Variants in SORBS2 observed in about 807,000 individuals in gnomAD.
SORBS2 encodes the protein sorbin and SH3 domain-containing protein 2.
Under a neutral mutation model 97.7 loss-of-function variants are expected in SORBS2, and 46 were observed. The ratio of observed to expected loss-of-function variants is 0.47; its 90% CI spans 0.37 to 0.60. The LOEUF (loss-of-function observed/expected upper bound fraction) is 0.60. Ranked by LOEUF, SORBS2 falls within the 20% of genes least tolerant of loss-of-function variation. The pLI is 0.00. For synonymous variants in SORBS2, 476 were observed against 473.4 expected (o/e 1.01, Z -0.07); for missense variants, 1,316 against 1,282.3 (o/e 1.03, Z -0.40).
chr4:185,827,687 C>T (rs796510363), intron 1 of SORBS2, among the ~76,000 whole-genome samples: 1 of 18,342 alleles, frequency 5.5e-5, no homozygotes, highest in African/African-American at 2.2e-4. Flanking sequence ...ATCATCACCA[C>T]CATCATCATC....
rs187435550 is a variant in SORBS2, at chr4:185,940,848, T to C, written c.-338+15348A>G. On this transcript the variant is annotated intron_variant, in intron 1 of 20. Transcript: ENST00000284776. ...TCCTATATTGCCCTATCTAAAAATATTGCACCCTTTATTCTCTAACCCAGT... is the reference window on the plus strand; with the variant it reads ...TCCTATATTGCCCTATCTAAAAATACTGCACCCTTTATTCTCTAACCCAGT... Among the ~76,000 whole-genome samples, 938 of 152,302 alleles carry C rather than the reference T, an allele frequency of 6.2e-3. 6 individuals are homozygous for C. Among genetic ancestry groups the C allele is most frequent in the Middle Eastern group, 0.017 (5 of 294 alleles).
intron 1 of SORBS2, among the ~76,000 whole-genome samples, chr4:185,852,524 G>A (rs1259837755): frequency 1.3e-5 from 2 of 152,146 alleles, no homozygotes; most frequent in East Asian, 1.9e-4. Flanking sequence ...AGGTCATTTG[G>A]TTGTTTTGTA....
At chr4:185,700,359 G>C (rs11942006) in intron 2 of SORBS2, among the ~76,000 whole-genome samples, 44,870 of 139,772 alleles carry the variant, frequency 0.32, 7,703 homozygotes, top group African/African-American at 0.46. Context: ...TGTGCTGGGT[G>C]GGGGGAGGGT....
At chr4:185,767,955 C>G (rs993710881) in intron 2 of SORBS2, among the ~76,000 whole-genome samples, 1 of 152,196 alleles carries the variant, frequency 6.6e-6, no homozygotes, top group Non-Finnish European at 1.5e-5. Flanking sequence ...TCCTCTGAAT[C>G]TTTGCTGTCC....
Position 185,593,889 on chromosome 4 carries a change from T to TC in SORBS2, c.2842dup (p.Glu948GlyfsTer8), listed in dbSNP as rs772549791. 1.0e-5 allele frequency: 16 copies of TC among 1,598,136 alleles called. No individual in the cohort carries two copies. The highest frequency in any genetic ancestry group is 1.3e-5 in the African/African-American group (1 of 74,586). Reference sequence around the variant, plus strand: ...AGAAGATAAGAAGAATACTTACGGTTCCCCCCCACCTTGAATATTTTCATG... The same window carrying TC: ...AGAAGATAAGAAGAATACTTACGGTTCCCCCCCCACCTTGAATATTTTCATG... On this transcript the variant is annotated frameshift_variant, in exon 13 of 15. Transcript: ENST00000418609. LOFTEE classifies it high-confidence loss of function.
At chr4:185,674,088 T>C (rs1013648581) in intron 4 of SORBS2, among the ~76,000 whole-genome samples, 1 of 152,204 alleles carries the variant, frequency 6.6e-6, no homozygotes, top group Non-Finnish European at 1.5e-5. Flanking sequence ...ACCCATCGAC[T>C]AGCCAATGGC....
chr4:185,747,392 A>C (rs537976769), intron 2 of SORBS2, among the ~76,000 whole-genome samples: 3 of 152,342 alleles, frequency 2.0e-5, no homozygotes, highest in Admixed American at 6.5e-5. Flanking sequence ...TAGGACCAGT[A>C]ATTTGAATTT....
intron 2 of SORBS2, among the ~76,000 whole-genome samples, chr4:185,698,860 C>G (rs2098217507): frequency 7.7e-6 from 1 of 129,228 alleles, no homozygotes; most frequent in Non-Finnish European, 1.8e-5. Flanking sequence ...AGACCAATAG[C>G]CATTGATTTT....
At chr4:185,955,850 C>A (rs925632984) in intron 1 of SORBS2, among the ~76,000 whole-genome samples, 1 of 151,868 alleles carries the variant, frequency 6.6e-6, no homozygotes, top group Non-Finnish European at 1.5e-5. Flanking sequence ...ACTAGACCCT[C>A]CACCCCCACC....
intron 2 of SORBS2, among the ~76,000 whole-genome samples, chr4:185,733,381 G>A (rs192126031): frequency 2.0e-5 from 3 of 152,342 alleles, no homozygotes; most frequent in African/African-American, 7.2e-5. Flanking sequence ...GGAGGCCTGG[G>A]AGCCAGCAGG....
Position 185,638,861 on chromosome 4 carries a change from G to A in SORBS2, c.396+7807C>T, listed in dbSNP as rs1474827304. On this transcript the variant is annotated intron_variant, in intron 4 of 14. Transcript: ENST00000418609. ...TCTGCCGGGCATGAAGAAAGGTAAG[G>A]AAGGAAGGAGCTCACCCGGGTGGGA... 1 of 1,448,846 alleles carries A rather than the reference G, an allele frequency of 6.9e-7. No homozygotes were observed. Among genetic ancestry groups the A allele is most frequent in the Non-Finnish European group, 9.0e-7 (1 of 1,105,700 alleles). The allele number at this position is 1,448,846 out of a possible 1,614,324, so 89.7% of individuals were successfully genotyped here.
intron 1 of SORBS2, among the ~76,000 whole-genome samples, chr4:185,787,620 A>G (rs2099062174): frequency 6.6e-6 from 1 of 152,136 alleles, no homozygotes; most frequent in African/African-American, 2.4e-5. Context: ...TTTATATAAA[A>G]TTCAGGTCTT....
intron 1 of SORBS2, among the ~76,000 whole-genome samples, chr4:185,902,034 G>T (rs1370719251): frequency 6.6e-6 from 1 of 152,084 alleles, no homozygotes; most frequent in Non-Finnish European, 1.5e-5. Context: ...CTATAAAAAA[G>T]GCTATTAAGT....
In SORBS2 at chr4:185,623,442, C is replaced by G; in HGVS notation, c.1687G>C (p.Gly563Arg). 1 of 1,611,870 alleles carries G rather than the reference C, an allele frequency of 6.2e-7. No homozygotes were observed. Among genetic ancestry groups the G allele is most frequent in the Non-Finnish European group, 8.5e-7 (1 of 1,179,992 alleles). The stretch of plus-strand genomic sequence containing the variant: ...CGAGTGTAGGAGGCCGGGCACCTGC[C>G]TTTGCAGGAGCTGATGAGGTGGCGG... The change falls in exon 7 of 15, where the codon GGC becomes CGC. Residue 563 changes from glycine to arginine, a missense_variant. Coordinates refer to ENST00000418609, the Ensembl canonical transcript of SORBS2. The surrounding 1 kb of genome is among the most constrained non-coding windows in gnomAD (Gnocchi z 6.4).
At position 185,864,737 on chromosome 4, in the gene SORBS2, C is replaced by G. The variant is rs140489025; in HGVS notation, c.-337-89371G>C. On this transcript the variant is annotated intron_variant, in intron 1 of 20. Coordinates refer to the SORBS2 transcript ENST00000284776. ...ACCAGCCTGGCCAACATGGTGAAAC[C>G]CTGTCTCTACTAAAAACACAAAAAA... 7.1e-3 allele frequency among the ~76,000 whole-genome samples: 1,075 copies of G among 152,010 alleles called. 12 individuals are homozygous for G. The highest frequency in any genetic ancestry group is 0.031 in the Admixed American group (476 of 15,278).
At chr4:185,950,141 A>C (rs915700188) in intron 1 of SORBS2, among the ~76,000 whole-genome samples, 2 of 152,134 alleles carry the variant, frequency 1.3e-5, no homozygotes, top group African/African-American at 4.8e-5. Context: ...AATCCCAGTT[A>C]CTAGAAAGGC....
At position 185,684,973 on chromosome 4, in the gene SORBS2, G is replaced by T. The variant is rs2097927465; in HGVS notation, c.-197-6151C>A. 2 of 684,936 alleles carry T rather than the reference G, an allele frequency of 2.9e-6. No individual in the cohort carries two copies. The highest frequency in any genetic ancestry group is 5.6e-5 in the Admixed American group (2 of 35,508). The allele number at this position is 684,936 out of a possible 1,614,324, so 42.4% of individuals were successfully genotyped here. ...TGAACAGTTAGAATTAGTAATCATG[G>T]AATGCACCTGCCAATTTCACACCAC... On this transcript the variant is annotated intron_variant, in intron 2 of 20. Coordinates refer to the SORBS2 transcript ENST00000284776. The surrounding 1 kb of genome is among the most constrained non-coding windows in gnomAD (Gnocchi z 4.2).
At chr4:185,898,623 C>T (rs11729474) in intron 1 of SORBS2, among the ~76,000 whole-genome samples, 81,908 of 151,968 alleles carry the variant, frequency 0.54, 22,586 homozygotes, top group East Asian at 0.72. Flanking sequence ...AACTAACTAG[C>T]GGCTACGTTG....
At chr4:185,616,859 C>T (rs1029239569) in intron 9 of SORBS2, among the ~76,000 whole-genome samples, 6 of 152,132 alleles carry the variant, frequency 3.9e-5, no homozygotes, top group African/African-American at 1.4e-4. Flanking sequence ...AGTGATTCTC[C>T]CACCTCAGCC....
Sources: allele counts gnomAD v4.1 joint callset (sites outside exome capture counted in the v4.1 genomes callset), GRCh38; gene constraint gnomAD v4.1.1; non-coding constraint Gnocchi (gnomAD v3.1); transcripts MANE v1.5; gene names NCBI Gene and HGNC (gene_info 2026-07-23, HGNC 2026-07-21).